ZNF565: variants seen among roughly 807,000 people sequenced by gnomAD.
ZNF565 encodes zinc finger protein 565.
A neutral mutation model predicts 39.4 loss-of-function variants in ZNF565; 27 were observed. That is an observed-to-expected ratio of 0.69 (90% CI 0.51 to 0.95). ZNF565 has a LOEUF of 0.95. ZNF565 is among the 40% of genes least tolerant of loss of function. ZNF565 has a pLI of 0.00. For missense variants in ZNF565, 524 were observed against 621.1 expected (o/e 0.84, Z 1.66); for synonymous variants, 185 against 216.6 (o/e 0.85, Z 1.28).
chr19:36,226,868 C>T (rs1487317012), intron 1 of ZNF565, among the ~76,000 whole-genome samples: 2 of 152,078 alleles, frequency 1.3e-5, no homozygotes, highest in Admixed American at 6.6e-5. Flanking sequence ...GGTGGATCAC[C>T]TGTGGTCGGG....
Position 36,245,024 on chromosome 19 carries a change from T to A in ZNF565, c.55+452A>T, listed in dbSNP as rs969865536. ...GTTGTGTTTTGTTTTCTTGAATCCC[T>A]ACTGTTCAGTGGCTAGGCTAGAAAC... On this transcript the variant is annotated intron_variant, in intron 1 of 4. Transcript: ENST00000355114. The surrounding 1 kb of genome is among the most constrained non-coding windows in gnomAD (Gnocchi z 4.4). Among the ~76,000 whole-genome samples, 46 of 152,216 alleles carry A rather than the reference T, an allele frequency of 3.0e-4. No homozygotes were observed. The highest frequency in any genetic ancestry group is 9.9e-4 in the African/African-American group (41 of 41,446).
intron 1 of ZNF565, among the ~76,000 whole-genome samples, chr19:36,244,600 T>C (rs2029879655): frequency 6.6e-6 from 1 of 151,738 alleles, no homozygotes; most frequent in African/African-American, 2.4e-5. Context: ...CGCCTGTAAT[T>C]TCAGCACTTT....
chr19:36,182,453 C>G lies in ZNF565; in HGVS notation c.*13G>C, dbSNP rs1369780654. On this transcript the variant is annotated 3_prime_UTR_variant, in exon 5 of 5. Transcript: ENST00000304116. ...CATAAAGGCTTATCTTTATCCCTTA[C>G]ACTCAAGGCTTTCTAACCAGTATGA... is the stretch of plus-strand genomic sequence containing the variant. The G allele has an allele frequency of 6.5e-7, 1 of 1,541,638 alleles. No homozygotes were observed. The highest frequency in any genetic ancestry group is 8.7e-7 in the Non-Finnish European group (1 of 1,146,198).
Position 36,245,115 on chromosome 19 carries a change from A to G in ZNF565, c.55+361T>C, listed in dbSNP as rs1253962821. 6.6e-6 allele frequency among the ~76,000 whole-genome samples: 1 copy of G among 152,224 alleles called. No homozygotes were observed. Among genetic ancestry groups the G allele is most frequent in the Non-Finnish European group, 1.5e-5 (1 of 68,038 alleles). ...TTTGAGTTTAGGGATCCACAGCCTG[A>G]GACCCGGCGAGCCTCGCTGCCCTTG... On this transcript the variant is annotated intron_variant, in intron 1 of 4. Transcript: ENST00000355114. The surrounding 1 kb of genome is among the most constrained non-coding windows in gnomAD (Gnocchi z 4.4).
chr19:36,225,745 T>C (rs1977036746), intron 1 of ZNF565, among the ~76,000 whole-genome samples: 1 of 147,514 alleles, frequency 6.8e-6, no homozygotes, highest in Admixed American at 6.9e-5. Context: ...GCCCCTGCTT[T>C]GTGATTCTTT....
At chr19:36,223,690 A>AAAAC (rs10692214) in intron 1 of ZNF565, among the ~76,000 whole-genome samples, 1 of 152,086 alleles carries the variant, frequency 6.6e-6, no homozygotes, top group African/African-American at 2.4e-5. Context: ...TGGTTATCAG[A>AAAAC]CTTTTCCACT....
chr19:36,197,177 C>T (rs532490556), intron 2 of ZNF565, among the ~76,000 whole-genome samples: 1 of 152,218 alleles, frequency 6.6e-6, no homozygotes, highest in Non-Finnish European at 1.5e-5. Flanking sequence ...GAGGCTGAGG[C>T]AAGATAATAA....
intron 1 of ZNF565, among the ~76,000 whole-genome samples, chr19:36,210,046 T>G (rs1433297486): frequency 2.0e-5 from 3 of 152,004 alleles, no homozygotes; most frequent in Non-Finnish European, 4.4e-5. Context: ...GAGAATCACC[T>G]GAGGCCAAGA....
intron 2 of ZNF565, among the ~76,000 whole-genome samples, chr19:36,197,398 C>T (rs1024247452): frequency 3.4e-5 from 5 of 148,838 alleles, no homozygotes; most frequent in African/African-American, 1.2e-4. Flanking sequence ...CTTGAACCCG[C>T]GAGGTGGAGG....
intron 1 of ZNF565, among the ~76,000 whole-genome samples, chr19:36,221,931 T>C (rs866171569): frequency 1.9e-4 from 24 of 124,996 alleles, no homozygotes; most frequent in African/African-American, 4.8e-4. Flanking sequence ...TTCTTTCTTT[T>C]TTTTTTTTTT....
intron 1 of ZNF565, chr19:36,237,301 G>A (rs1284154224): frequency 6.2e-7 from 1 of 1,606,164 alleles, no homozygotes; most frequent in South Asian, 1.1e-5. Flanking sequence ...TTAGACACCA[G>A]AAAATTCATA....
chr19:36,195,627 C>T (rs1461043092), intron 2 of ZNF565, among the ~76,000 whole-genome samples: 1 of 142,314 alleles, frequency 7.0e-6, no homozygotes, highest in South Asian at 2.3e-4. Flanking sequence ...TCACCACAAC[C>T]TCCGCCTCCT....
At chr19:36,244,034 C>T (rs1977840130) in intron 1 of ZNF565, among the ~76,000 whole-genome samples, 1 of 152,078 alleles carries the variant, frequency 6.6e-6, no homozygotes, top group African/African-American at 2.4e-5. Flanking sequence ...CTTTTCTCTA[C>T]TGGCCTTGCA....
At chr19:36,192,421 G>A (rs1975590883) in intron 4 of ZNF565, among the ~76,000 whole-genome samples, 1 of 151,950 alleles carries the variant, frequency 6.6e-6, no homozygotes, top group South Asian at 2.1e-4. Flanking sequence ...TAAAGTGAGA[G>A]ACAATCTACA....
At chr19:36,229,027 T>C (rs979750356) in intron 1 of ZNF565, among the ~76,000 whole-genome samples, 1 of 152,230 alleles carries the variant, frequency 6.6e-6, no homozygotes, top group Admixed American at 6.5e-5. Context: ...CAGGCGCCCC[T>C]CCTGTTGCTG....
intron 1 of ZNF565, among the ~76,000 whole-genome samples, chr19:36,230,480 C>A (rs573178159): frequency 6.7e-6 from 1 of 150,230 alleles, no homozygotes; most frequent in East Asian, 1.9e-4. Context: ...ATAGAGAGGG[C>A]TAGTTGGGGT....
At chr19:36,205,957 G>GT (rs57253970) in intron 1 of ZNF565, among the ~76,000 whole-genome samples, 10,185 of 143,140 alleles carry the variant, frequency 0.071, 978 homozygotes, top group African/African-American at 0.23. Flanking sequence ...CTCACATTCT[G>GT]TTTTTTTTTT....
intron 4 of ZNF565, among the ~76,000 whole-genome samples, chr19:36,186,554 G>A (rs1159124069): frequency 6.6e-6 from 1 of 152,154 alleles, no homozygotes; most frequent in Admixed American, 6.6e-5. Flanking sequence ...TTAGGAGGCT[G>A]AGGCAGGTGG....
upstream of ZNF565, among the ~76,000 whole-genome samples, chr19:36,215,659 C>CT (rs568945389): frequency 2.0e-4 from 29 of 148,168 alleles, no homozygotes; most frequent in African/African-American, 3.0e-4. Flanking sequence ...ATCACCGTGA[C>CT]TTTTTTTTTT....
Sources: gnomAD v4.1 joint callset for allele counts (sites outside exome capture counted in the v4.1 genomes callset) on GRCh38, gnomAD v4.1.1 for gene constraint, Gnocchi (gnomAD v3.1) non-coding constraint, MANE v1.5 for transcripts, NCBI Gene and HGNC (gene_info 2026-07-23, HGNC 2026-07-21) for gene names.